ARSG: variants seen among roughly 807,000 people sequenced by gnomAD.
The protein encoded by ARSG is arylsulfatase G.
ARSG carries 37 observed loss-of-function variants against 50.5 expected under a neutral mutation model. That is an observed-to-expected ratio of 0.73 (90% CI 0.56 to 0.96). ARSG has a LOEUF of 0.96. Among genes scored for constraint, ARSG ranks in the 50% least tolerant of loss-of-function variants. ARSG has a pLI of 0.00. For missense variants in ARSG, 629 were observed against 675.3 expected, an observed-to-expected ratio of 0.93 and a Z score of 0.76; for synonymous variants, 225 against 254.6, an observed-to-expected ratio of 0.88 and a Z score of 1.11.
intron 1 of ARSG, among the ~76,000 whole-genome samples, chr17:68,259,935 A>G (rs2075047255): frequency 6.6e-6 from 1 of 152,202 alleles, no homozygotes; most frequent in African/African-American, 2.4e-5. Flanking sequence ...TTCTGTCAGT[A>G]CAGCCGGTGT....
the ARSG span, among the ~76,000 whole-genome samples, chr17:68,449,751 T>C: frequency 1.3e-5 from 2 of 152,208 alleles, no homozygotes; most frequent in African/African-American, 2.4e-5. Context: ...CTGCAGAACC[T>C]TGACCCAGTG....
chr17:68,408,530 G>T, intron 11 of ARSG, among the ~76,000 whole-genome samples: 1 of 151,920 alleles, frequency 6.6e-6, no homozygotes, highest in African/African-American at 2.4e-5. Flanking sequence ...ATCATTGTTG[G>T]ACATTTGGGT....
intron 9 of ARSG, among the ~76,000 whole-genome samples, chr17:68,393,297 G>T (rs773199509): frequency 5.3e-5 from 8 of 152,160 alleles, no homozygotes; most frequent in Non-Finnish European, 1.0e-4. Context: ...GTGTGGTGAA[G>T]TCTGGCACCA....
chr17:68,303,739 C>T (rs554356431), intron 1 of ARSG, among the ~76,000 whole-genome samples: 4 of 152,298 alleles, frequency 2.6e-5, no homozygotes, highest in Admixed American at 6.5e-5. Flanking sequence ...CATGAGCCAC[C>T]GCACCCAGCC....
intron 6 of ARSG, among the ~76,000 whole-genome samples, chr17:68,364,430 G>A (rs2079444898): frequency 6.6e-6 from 1 of 152,158 alleles, no homozygotes; most frequent in Non-Finnish European, 1.5e-5. Flanking sequence ...CTGGAGTGCA[G>A]TGGCACAATC....
intron 1 of ARSG, among the ~76,000 whole-genome samples, chr17:68,305,653 A>G (rs2076578974): frequency 6.6e-6 from 1 of 152,238 alleles, no homozygotes; most frequent in African/African-American, 2.4e-5. Context: ...ACATTTTATT[A>G]TGAAAATTAC....
intron 11 of ARSG, among the ~76,000 whole-genome samples, chr17:68,417,547 C>G (rs1211135744): frequency 3.3e-5 from 5 of 151,816 alleles, no homozygotes; most frequent in Non-Finnish European, 4.4e-5. Context: ...GAGCCTCCAG[C>G]AATTTGTCAA....
the ARSG span, among the ~76,000 whole-genome samples, chr17:68,429,649 C>T: frequency 1.3e-5 from 2 of 152,088 alleles, no homozygotes; most frequent in African/African-American, 4.8e-5. Flanking sequence ...AGTGCAGTGG[C>T]ATGATCTCGG....
chr17:68,378,952 C>G lies in ARSG; in HGVS notation c.983-6112C>G, dbSNP rs1272408056. ...GGTCGGGGGTGGGGCGGGGAAAAGTCAGAGGTGCTGTGAGGTGACAGAGCA... is the reference window on the plus strand; with the variant it reads ...GGTCGGGGGTGGGGCGGGGAAAAGTGAGAGGTGCTGTGAGGTGACAGAGCA... On this transcript the variant is annotated intron_variant, in intron 8 of 11. Transcript: ENST00000621439. The surrounding 1 kb of genome is among the most constrained non-coding windows in gnomAD (Gnocchi z 4.4). Among the ~76,000 whole-genome samples, 5 of 152,056 alleles carry G rather than the reference C, an allele frequency of 3.3e-5. No homozygotes were observed. Among genetic ancestry groups the G allele is most frequent in the Non-Finnish European group, 5.9e-5 (4 of 68,006 alleles).
chr17:68,342,767 A>T (rs1424564757), intron 2 of ARSG, among the ~76,000 whole-genome samples: 2 of 152,210 alleles, frequency 1.3e-5, no homozygotes, highest in Non-Finnish European at 2.9e-5. Context: ...CAGTGAAACC[A>T]CCAACACAAA....
chr17:68,271,456 A>G lies in ARSG; in HGVS notation c.-552+12030A>G, dbSNP rs1555748684. On this transcript the variant is annotated intron_variant, in intron 1 of 11. Coordinates refer to the ARSG transcript ENST00000448504. The surrounding 1 kb of genome is among the most constrained non-coding windows in gnomAD (Gnocchi z 5.3). ...TTCTACTCCTGAGTCAATGGAGTCT[A>G]TTGAGGTTCGTGTTTTCTCATTTTC... The G allele has an allele frequency of 2.5e-6, 4 of 1,614,122 alleles. No homozygotes were observed. The highest frequency in any genetic ancestry group is 1.7e-5 in the Admixed American group (1 of 60,008).
At chr17:68,353,165 C>T (rs541764141) in intron 5 of ARSG, among the ~76,000 whole-genome samples, 2 of 151,846 alleles carry the variant, frequency 1.3e-5, no homozygotes, top group African/African-American at 2.4e-5. Flanking sequence ...AAAGTAATTG[C>T]GGTTTTTGCT....
At chr17:68,440,714 G>A in the ARSG span, 1 of 152,162 alleles carries the variant, frequency 6.6e-6, no homozygotes, top group East Asian at 1.9e-4. Flanking sequence ...GAAAAGAAGT[G>A]CCTGCTCTCA....
At chr17:68,374,861 A>G (rs908149305) in intron 8 of ARSG, among the ~76,000 whole-genome samples, 13 of 151,508 alleles carry the variant, frequency 8.6e-5, no homozygotes, top group Admixed American at 2.6e-4. Context: ...AAAAAAAAAA[A>G]AAAGAAAAGA....
the ARSG span, chr17:68,434,442 T>C: frequency 9.6e-7 from 1 of 1,039,398 alleles, no homozygotes; most frequent in Non-Finnish European, 1.4e-6. Context: ...TTACACTTCC[T>C]CCAGGTGAGT....
chr17:68,267,029 C>T (rs1172382599), intron 1 of ARSG: 2 of 152,070 alleles, frequency 1.3e-5, no homozygotes, highest in African/African-American at 4.8e-5. Context: ...GAATCGGTCT[C>T]TTTAAATAAA....
intron 1 of ARSG, among the ~76,000 whole-genome samples, chr17:68,285,300 T>A (rs782180652): frequency 2.6e-5 from 4 of 152,034 alleles, no homozygotes; most frequent in Admixed American, 6.6e-5. Context: ...ACAAAACATA[T>A]AGTGATAAAA....
chr17:68,394,870 G>A (rs2081163841), intron 9 of ARSG, among the ~76,000 whole-genome samples: 1 of 152,186 alleles, frequency 6.6e-6, no homozygotes, highest in Non-Finnish European at 1.5e-5. Flanking sequence ...CCTGGGTGCT[G>A]AACCGCTGCA....
intron 9 of ARSG, among the ~76,000 whole-genome samples, chr17:68,391,739 C>A (rs1057136040): frequency 6.6e-6 from 1 of 152,166 alleles, no homozygotes; most frequent in Non-Finnish European, 1.5e-5. Flanking sequence ...GAACCTTGGA[C>A]TCTGGACAGG....
Sources: allele counts gnomAD v4.1 joint callset (sites outside exome capture counted in the v4.1 genomes callset), GRCh38; gene constraint gnomAD v4.1.1; non-coding constraint Gnocchi (gnomAD v3.1); transcripts MANE v1.5; gene names NCBI Gene and HGNC (gene_info 2026-07-23, HGNC 2026-07-21).